The following PCDHA10 variants were observed in gnomAD, a reference collection of about 807,000 sequenced individuals.
The protein encoded by PCDHA10 is protocadherin alpha-10.
A neutral mutation model predicts 61.2 loss-of-function variants in PCDHA10; 45 were observed. The ratio of observed to expected loss-of-function variants is 0.74; its 90% CI spans 0.58 to 0.94. PCDHA10 has a LOEUF of 0.94. Among genes scored for constraint, PCDHA10 ranks in the 40% least tolerant of loss-of-function variants. PCDHA10 has a pLI of 0.00. For synonymous variants in PCDHA10, 602 were observed against 548.8 expected (o/e 1.10, Z -1.35); for missense variants, 1,278 against 1,236.2 (o/e 1.03, Z -0.51).
intron 1 of PCDHA10, among the ~76,000 whole-genome samples, chr5:140,899,128 T>A (rs1217010779): frequency 3.9e-5 from 6 of 152,160 alleles, no homozygotes; most frequent in Non-Finnish European, 7.3e-5. Context: ...CAATCATGTC[T>A]TCTGCAAACA....
chr5:140,902,207 T>C (rs949937318), intron 1 of PCDHA10, among the ~76,000 whole-genome samples: 8 of 148,564 alleles, frequency 5.4e-5, no homozygotes, highest in South Asian at 4.3e-4. Flanking sequence ...CTCTTTCTTT[T>C]TTTTTTTTTT....
rs140727388 is a variant in PCDHA10, at chr5:140,974,245, C to G, written c.2389-4704C>G. Among the ~76,000 whole-genome samples, 191 of 152,268 alleles carry G rather than the reference C, an allele frequency of 1.3e-3. 1 individual carries two copies. The highest frequency in any genetic ancestry group is 4.3e-3 in the African/African-American group (179 of 41,572). Reference sequence around the variant, plus strand: ...ATCTTAGTTCCTTGGCATATAAGCACCATCAGTTCCTTTCTGGCCTTCCAG... The same window carrying G: ...ATCTTAGTTCCTTGGCATATAAGCAGCATCAGTTCCTTTCTGGCCTTCCAG... On this transcript the variant is annotated intron_variant, in intron 1 of 3. Transcript: ENST00000307360.
At chr5:140,902,974 A>T (rs1291767760) in intron 1 of PCDHA10, among the ~76,000 whole-genome samples, 1 of 152,178 alleles carries the variant, frequency 6.6e-6, no homozygotes, top group African/African-American at 2.4e-5. Context: ...ATGGGCATTT[A>T]GGTTGGTTCC....
chr5:140,928,276 GC>G, intron 1 of PCDHA10: 1 of 1,614,172 alleles, frequency 6.2e-7, no homozygotes. Flanking sequence ...TGGCCCTGGG[GC>G]CTCTCTAGGC....
At chr5:140,926,371 G>A (rs1220733947) in intron 1 of PCDHA10, 1 of 152,352 alleles carries the variant, frequency 6.6e-6, no homozygotes, top group East Asian at 1.9e-4. Flanking sequence ...GCGGCAGGAA[G>A]AGCCCAGCTG....
chr5:140,994,772 G>C (rs2097648880), intron 3 of PCDHA10, among the ~76,000 whole-genome samples: 2 of 152,118 alleles, frequency 1.3e-5, no homozygotes, highest in Non-Finnish European at 1.5e-5. Context: ...GAGAATTCCA[G>C]GCAAAGGAAA....
chr5:140,939,560 T>C (rs2153641939), intron 1 of PCDHA10, among the ~76,000 whole-genome samples: 1 of 151,934 alleles, frequency 6.6e-6, no homozygotes, highest in African/African-American at 2.4e-5. Flanking sequence ...TGTATTAGTT[T>C]GGTTAATCAA....
intron 1 of PCDHA10, among the ~76,000 whole-genome samples, chr5:140,939,048 A>T (rs931079281): frequency 1.3e-5 from 2 of 152,180 alleles, no homozygotes; most frequent in Admixed American, 6.5e-5. Flanking sequence ...GTCTTAGTCC[A>T]TTTGGGCTGC....
At chr5:140,881,347 C>T in intron 1 of PCDHA10, 1 of 985,212 alleles carries the variant, frequency 1.0e-6, no homozygotes, top group Non-Finnish European at 1.2e-6. Context: ...ATTCGGGCTA[C>T]AATGCGTGGC....
rs373157192 is a variant in PCDHA10, at chr5:140,869,487, C to G, written c.2388+11051C>G. On this transcript the variant is annotated intron_variant, in intron 1 of 3. Transcript: ENST00000307360. ...ACGTGGAGGTGAAGGACATTAACGA[C>G]AACCCGCCGGTGTTCTCGCTCAGAG... The G allele has an allele frequency of 3.1e-6, 5 of 1,614,180 alleles. No homozygotes were observed. The South Asian group carries it at 5.5e-5, about 18-fold the overall frequency.
intron 1 of PCDHA10, among the ~76,000 whole-genome samples, chr5:140,886,431 ATTTG>A (rs1272820447): frequency 6.6e-6 from 1 of 152,012 alleles, no homozygotes; most frequent in East Asian, 1.9e-4. Context: ...ATTTCTATTC[ATTTG>A]TTTGTACTAA....
At position 140,966,347 on chromosome 5, in the gene PCDHA10, G is replaced by A. The variant is rs189506336; in HGVS notation, c.2389-12602G>A. 6.3e-5 allele frequency: 25 copies of A among 397,502 alleles called. No homozygotes were observed. The East Asian group carries it at 8.6e-4, about 14-fold the overall frequency. The allele number at this position is 397,502 out of a possible 1,614,324, so 24.6% of individuals were successfully genotyped here. A position where few individuals can be genotyped will look rare whatever the true frequency, so the allele number is the denominator to read the frequency against. On this transcript the variant is annotated intron_variant, in intron 1 of 3. Transcript: ENST00000307360. ...GGGATCCGGCAGGTCCAGGGTGAAG[G>A]AGATGGGGCTGGAGAGGCTGAGCAG... is the stretch of plus-strand genomic sequence containing the variant.
In PCDHA10 at chr5:140,856,147, A is replaced by C. The variant is rs142037616; in HGVS notation, c.99A>C (p.Ser33=). ...WEVGSGQLHY[S]VYEEARHGTF... Reference sequence around the variant, plus strand: ...TGGGGAGCGGCCAGCTCCACTACTCAGTCTACGAGGAGGCCAGACACGGCA... The same window carrying C: ...TGGGGAGCGGCCAGCTCCACTACTCCGTCTACGAGGAGGCCAGACACGGCA... The change falls in exon 1 of 4, where the codon TCA becomes TCC. Residue 33 remains serine, a synonymous_variant. Coordinates refer to ENST00000307360, the MANE Select transcript of PCDHA10 (RefSeq NM_018901.4). 34 of 1,598,116 alleles carry C rather than the reference A, an allele frequency of 2.1e-5. 2 individuals are homozygous for C. Among genetic ancestry groups the C allele is most frequent in the Middle Eastern group, 1.7e-4 (1 of 6,012 alleles).
Position 141,012,131 on chromosome 5 carries a change from G to A in PCDHA10, c.*2194G>A, listed in dbSNP as rs1214098938. The A allele has an allele frequency of 1.3e-5, 2 of 153,688 alleles. No individual in the cohort carries two copies. The highest frequency in any genetic ancestry group is 2.9e-5 in the Non-Finnish European group (2 of 68,026). 9.5% of individuals were successfully genotyped at this position (153,688 alleles called of 1,614,324 possible). A position where few individuals can be genotyped will look rare whatever the true frequency, so the allele number is the denominator to read the frequency against. ...CTGAAGCCCATGTATCTGACCTTAC[G>A]TGCCTTTTGAACTAGGAGAATCGGG... On this transcript the variant is annotated 3_prime_UTR_variant, in exon 4 of 4. Transcript: ENST00000307360.
chr5:140,981,699 T>A (rs1162840326), intron 2 of PCDHA10, among the ~76,000 whole-genome samples: 1 of 151,316 alleles, frequency 6.6e-6, no homozygotes, highest in Non-Finnish European at 1.5e-5. Context: ...CATTCATTCA[T>A]TCATTCATTC....
chr5:140,965,242 A>T (rs1373643411), intron 1 of PCDHA10, among the ~76,000 whole-genome samples: 2 of 152,196 alleles, frequency 1.3e-5, no homozygotes, highest in African/African-American at 4.8e-5. Context: ...GGGAAGAGTG[A>T]ATATTCAGAA....
chr5:140,982,427 G>C, intron 2 of PCDHA10, 48 bp from the exon 3 acceptor site: 1 of 1,612,412 alleles, frequency 6.2e-7, no homozygotes, highest in Non-Finnish European at 8.5e-7. Context: ...GAAGAGATGG[G>C]AAAGAATTTA....
intron 1 of PCDHA10, chr5:140,864,749 C>T (rs544244056): frequency 6.6e-6 from 1 of 152,178 alleles, no homozygotes; most frequent in East Asian, 1.9e-4. Context: ...ACCGATTATA[C>T]TCATTTTTCT....
At chr5:140,967,780 T>C in intron 1 of PCDHA10, 1 of 1,614,214 alleles carries the variant, frequency 6.2e-7, no homozygotes, top group Non-Finnish European at 8.5e-7. Context: ...TGCAGGCGAC[T>C]GACCGGGGTC....
Sources: gnomAD v4.1 joint callset for allele counts (sites outside exome capture counted in the v4.1 genomes callset) on GRCh38, gnomAD v4.1.1 for gene constraint, MANE v1.5 for transcripts, NCBI Gene and HGNC (gene_info 2026-07-23, HGNC 2026-07-21) for gene names.